The following SLC5A3 variants were observed in gnomAD, a reference collection of about 807,000 sequenced individuals.
SLC5A3 encodes solute carrier family 5 member 3.
Under a neutral mutation model 43.2 loss-of-function variants are expected in SLC5A3, and 10 were observed. That is an observed-to-expected ratio of 0.23 (90% CI 0.14 to 0.39). The LOEUF is 0.39. Ranked by LOEUF, SLC5A3 falls within the 10% of genes least tolerant of loss-of-function variation. The pLI is 1.00. For missense variants in SLC5A3, 608 were observed against 893.4 expected (o/e 0.68, Z 4.07); for synonymous variants, 349 against 322.0 (o/e 1.08, Z -0.90).
chr21:34,081,305 A>G (rs1713472711), intron 1 of SLC5A3, among the ~76,000 whole-genome samples: 1 of 152,146 alleles, frequency 6.6e-6, no homozygotes, highest in Non-Finnish European at 1.5e-5. Flanking sequence ...CCATTCTCCA[A>G]GTGCTTGTCA....
intron 1 of SLC5A3, among the ~76,000 whole-genome samples, chr21:34,079,279 C>T (rs1452687448): frequency 2.0e-5 from 3 of 152,248 alleles, no homozygotes; most frequent in Non-Finnish European, 4.4e-5. Context: ...TGGAACATGA[C>T]CCTGTTCTTT....
rs1340832058 is a variant in SLC5A3, at chr21:34,103,505, G to A, written c.*6150G>A. On this transcript the variant is annotated 3_prime_UTR_variant, in exon 2 of 2. Transcript: ENST00000381151. ...TTGTGTTTCCATTGTAGGTTGATAG[G>A]TATATCGAGAACAGGTACGTGACAA... The A allele has an allele frequency of 2.0e-6, 2 of 999,032 alleles. No homozygotes were observed. The highest frequency in any genetic ancestry group is 2.4e-6 in the Non-Finnish European group (2 of 829,070). 61.9% of individuals were successfully genotyped at this position (999,032 alleles called of 1,614,324 possible).
At position 34,100,076 on chromosome 21, in the gene SLC5A3, T is replaced by A. The variant is rs1979165568; in HGVS notation, c.*2721T>A. On this transcript the variant is annotated 3_prime_UTR_variant, in exon 2 of 2. Coordinates refer to ENST00000381151, the MANE Select transcript of SLC5A3 (RefSeq NM_006933.7). The stretch of plus-strand genomic sequence containing the variant: ...ACATTGGTCTTTAGACATTAACATG[T>A]GTATATTTTTATATTAGCTCAAGCT... 1.0e-6 allele frequency: 1 copy of A among 997,624 alleles called. No homozygotes were observed. The highest frequency in any genetic ancestry group is 1.2e-6 in the Non-Finnish European group (1 of 827,648). 61.8% of individuals were successfully genotyped at this position (997,624 alleles called of 1,614,324 possible). A position where few individuals can be genotyped will look rare whatever the true frequency, so the allele number is the denominator to read the frequency against.
At chr21:34,074,303 C>G (rs1989268696) in intron 1 of SLC5A3, among the ~76,000 whole-genome samples, 1 of 152,302 alleles carries the variant, frequency 6.6e-6, no homozygotes, top group South Asian at 2.1e-4. Flanking sequence ...TGTCTGTATT[C>G]CAGTCTCTTG....
At chr21:34,078,202 C>T (rs551199042) in intron 1 of SLC5A3, among the ~76,000 whole-genome samples, 1 of 152,164 alleles carries the variant, frequency 6.6e-6, no homozygotes, top group African/African-American at 2.4e-5. Flanking sequence ...TTAATAATCT[C>T]TCTTTGTGTT....
At chr21:34,076,051 C>T (rs765234059) in intron 1 of SLC5A3, among the ~76,000 whole-genome samples, 2 of 152,170 alleles carry the variant, frequency 1.3e-5, no homozygotes, top group Non-Finnish European at 2.9e-5. Flanking sequence ...TACCTCTTTA[C>T]CCCTTTAATA....
intron 1 of SLC5A3, among the ~76,000 whole-genome samples, chr21:34,077,783 G>C (rs1367214578): frequency 6.6e-6 from 1 of 152,146 alleles, no homozygotes; most frequent in Non-Finnish European, 1.5e-5. Context: ...GGTTTAATTT[G>C]AATATAGAAA....
intron 1 of SLC5A3, among the ~76,000 whole-genome samples, chr21:34,093,245 T>A (rs575650013): frequency 1.3e-5 from 2 of 152,044 alleles, no homozygotes; most frequent in Non-Finnish European, 2.9e-5. Flanking sequence ...AAGATTTTTT[T>A]TTTTTTTTTT....
At position 34,095,439 on chromosome 21, in the gene SLC5A3, G is replaced by T; in HGVS notation, c.241G>T (p.Ala81Ser). 6.2e-7 allele frequency: 1 copy of T among 1,614,052 alleles called. No individual in the cohort carries two copies. Among genetic ancestry groups the T allele is most frequent in the Non-Finnish European group, 8.5e-7 (1 of 1,179,974 alleles). ...AGCTGCAAGTGGATTTGCAGTGGGC[G>T]CATGGGAATTCAATGCCTTACTGCT... ...SGAASGFAVG[A>S]WEFNALLLLQ... is the part of the protein sequence containing the mutation. Residue 81 changes from alanine (A) to serine (S), a missense_variant, in exon 2 of 2, where the codon GCA becomes TCA. Physicochemically the swap from Ala to Ser is moderately conservative, Grantham distance 99. Around this residue, in one of 2 missense-constraint regions of SLC5A3, gnomAD observed 398 missense variants for 668.6 expected, o/e 0.60. Coordinates refer to ENST00000381151, the MANE Select transcript of SLC5A3 (RefSeq NM_006933.7).
Position 34,095,514 on chromosome 21 carries a change from G to A in SLC5A3, c.316G>A (p.Val106Ile). Reference protein sequence around the residue: ...VFIPIYIRSGVYTMPEYLSKR... With the variant: ...VFIPIYIRSGIYTMPEYLSKR... The stretch of plus-strand genomic sequence containing the variant: ...CATCCCAATTTACATCCGGTCAGGG[G>A]TATATACCATGCCTGAATACTTGTC... Residue 106 changes from valine to isoleucine, a missense_variant, in exon 2 of 2, where the codon GTA (valine) becomes ATA (isoleucine). Val to Ile is a conservative substitution (Grantham distance 29, BLOSUM62 3). Coordinates refer to ENST00000381151, the MANE Select transcript of SLC5A3 (RefSeq NM_006933.7). The A allele has an allele frequency of 6.2e-7, 1 of 1,613,958 alleles. No individual in the cohort carries two copies. The highest frequency in any genetic ancestry group is 8.5e-7 in the Non-Finnish European group (1 of 1,179,992).
In SLC5A3 at chr21:34,096,401, C is replaced by T. The variant is rs535716171; in HGVS notation, c.1203C>T (p.Ser401=). The T allele has an allele frequency of 1.2e-4, 191 of 1,614,150 alleles. 1 individual carries two copies. The highest frequency in any genetic ancestry group is 1.1e-3 in the South Asian group (101 of 91,072). The change falls in exon 2 of 2, where the codon AGC becomes AGT. Residue 401 remains serine (S), a synonymous_variant. Coordinates refer to ENST00000381151, the MANE Select transcript of SLC5A3 (RefSeq NM_006933.7). This position sits in a 1 kb window ranked among gnomAD's most constrained non-coding sequence, Gnocchi z 5.9. ...ATGTGTACAAACTTATCCGCAAGAG[C>T]GCAAGCTCCCGGGAGTTAATGATTG... ...TLDVYKLIRK[S]ASSRELMIVG...
Position 34,073,662 on chromosome 21 carries a change from C to T in SLC5A3, c.-420C>T, listed in dbSNP as rs761453959. ...GTCCCGCCCCTTCGCGTCCCGGGAA[C>T]CGGCTGGCTTCCGAGCCGCACTCGC... is the stretch of plus-strand genomic sequence containing the variant. On this transcript the variant is annotated 5_prime_UTR_variant, in exon 1 of 2. Coordinates refer to ENST00000381151, the MANE Select transcript of SLC5A3 (RefSeq NM_006933.7). 5.3e-6 allele frequency: 8 copies of T among 1,510,474 alleles called. No homozygotes were observed. The highest frequency in any genetic ancestry group is 3.7e-5 in the Admixed American group (2 of 53,776). The allele number at this position is 1,510,474 out of a possible 1,614,324, so 93.6% of individuals were successfully genotyped here.
intron 1 of SLC5A3, among the ~76,000 whole-genome samples, chr21:34,083,004 G>A (rs1459052980): frequency 6.6e-6 from 1 of 152,144 alleles, no homozygotes; most frequent in Non-Finnish European, 1.5e-5. Flanking sequence ...TTCTTTATTG[G>A]AGCCCTCAAT....
chr21:34,100,424 G>A lies in SLC5A3; in HGVS notation c.*3069G>A, dbSNP rs1183515661. The A allele has an allele frequency of 3.0e-6, 3 of 1,000,070 alleles. No individual in the cohort carries two copies. The highest frequency in any genetic ancestry group is 3.5e-5 in the African/African-American group (2 of 57,188). The allele number at this position is 1,000,070 out of a possible 1,614,324, so 61.9% of individuals were successfully genotyped here. On this transcript the variant is annotated 3_prime_UTR_variant, in exon 2 of 2. Transcript: ENST00000381151. ...TCTTCCCCAGCTATTCTTTCCTGGG[G>A]GTAATTATGCTTTGTCTTTAGATTA...
At chr21:34,080,083 G>A (rs1031634740) in intron 1 of SLC5A3, among the ~76,000 whole-genome samples, 2 of 152,122 alleles carry the variant, frequency 1.3e-5, no homozygotes, top group Non-Finnish European at 2.9e-5. Flanking sequence ...TTCTTAGCTG[G>A]TCTCCTGACA....
rs190586790 is a variant in SLC5A3 at position 34,101,444 on chromosome 21, A to T, written c.*4089A>T. ...ATTTGTAAGATTTTGCATTAGCCAGATGCTAGGTTGTTGAAGGCATTTCAG... is the reference window on the plus strand; with the variant it reads ...ATTTGTAAGATTTTGCATTAGCCAGTTGCTAGGTTGTTGAAGGCATTTCAG... On this transcript the variant is annotated 3_prime_UTR_variant, in exon 2 of 2. Coordinates refer to ENST00000381151, the MANE Select transcript of SLC5A3 (RefSeq NM_006933.7). The T allele has an allele frequency of 1.3e-4, 127 of 1,000,190 alleles. 1 individual carries two copies. In the African/African-American group the frequency reaches 1.9e-3, roughly 15 times the overall value. The allele number at this position is 1,000,190 out of a possible 1,614,324, so 62.0% of individuals were successfully genotyped here. A position where few individuals can be genotyped will look rare whatever the true frequency, so the allele number is the denominator to read the frequency against.
rs1274411688 is a variant in SLC5A3, at chr21:34,100,219, CCAGTTCTTAGACTTTTGTCTTCT to C, written c.*2868_*2890del. ...GTCTTACCAGGTGTTAATGGTATCC[CCAGTTCTTAGACTTTTGTCTTCT>C]CAGGCAATTTTCATCTCAAGATCTG... On this transcript the variant is annotated 3_prime_UTR_variant, in exon 2 of 2. Transcript: ENST00000381151. 1 of 1,000,026 alleles carries C rather than the reference CCAGTTCTTAGACTTTTGTCTTCT, an allele frequency of 1.0e-6. No individual in the cohort carries two copies. Among genetic ancestry groups the C allele is most frequent in the Non-Finnish European group, 1.2e-6 (1 of 829,958 alleles). The allele number at this position is 1,000,026 out of a possible 1,614,324, so 61.9% of individuals were successfully genotyped here.
intron 1 of SLC5A3, among the ~76,000 whole-genome samples, chr21:34,084,192 A>G (rs188957056): frequency 6.6e-6 from 1 of 152,356 alleles, no homozygotes; most frequent in African/African-American, 2.4e-5. Flanking sequence ...TTTCCAACTG[A>G]AAAGTATCTT....
At chr21:34,080,823 AAC>A (rs760674716) in intron 1 of SLC5A3, among the ~76,000 whole-genome samples, 7 of 152,176 alleles carry the variant, frequency 4.6e-5, no homozygotes, top group Non-Finnish European at 8.8e-5. Flanking sequence ...ATCTCTATAA[AAC>A]AGTTATTTGC....
Sources: gnomAD v4.1 joint callset for allele counts (sites outside exome capture counted in the v4.1 genomes callset) on GRCh38, gnomAD v4.1.1 for gene constraint, gnomAD v4.1.1 regional missense constraint, Gnocchi (gnomAD v3.1) non-coding constraint, MANE v1.5 for transcripts, NCBI Gene and HGNC (gene_info 2026-07-23, HGNC 2026-07-21) for gene names.